MAP3K5: variants seen among roughly 807,000 people sequenced by gnomAD.
MAP3K5 encodes the protein ASK-1.
A neutral mutation model predicts 158.7 loss-of-function variants in MAP3K5; 56 were observed. The ratio of observed to expected loss-of-function variants is 0.35; its 90% CI spans 0.28 to 0.44. MAP3K5 has a LOEUF of 0.44. Among genes scored for constraint, MAP3K5 ranks in the 20% least tolerant of loss-of-function variants. The pLI is 1.00. For synonymous variants in MAP3K5, 579 were observed against 601.7 expected (o/e 0.96, Z 0.55); for missense variants, 1,294 against 1,674.8 (o/e 0.77, Z 3.97).
At chr6:136,763,008 A>T (rs1262739327) in intron 1 of MAP3K5, among the ~76,000 whole-genome samples, 1 of 152,086 alleles carries the variant, frequency 6.6e-6, no homozygotes, top group East Asian at 1.9e-4. Context: ...TTACTTATTC[A>T]TTTATTTTGA....
At chr6:136,716,663 G>A (rs1356652096) in intron 2 of MAP3K5, among the ~76,000 whole-genome samples, 1 of 152,152 alleles carries the variant, frequency 6.6e-6, no homozygotes, top group Non-Finnish European at 1.5e-5. Flanking sequence ...CACTTACTGA[G>A]AGACCCCAAG....
intron 13 of MAP3K5, among the ~76,000 whole-genome samples, chr6:136,638,826 T>G (rs962404777): frequency 3.9e-5 from 6 of 152,230 alleles, no homozygotes; most frequent in African/African-American, 1.4e-4. Context: ...ATTATTTAAA[T>G]AAGAACAATC....
intron 29 of MAP3K5, among the ~76,000 whole-genome samples, chr6:136,558,294 G>T (rs1830342712): frequency 6.6e-6 from 1 of 151,976 alleles, no homozygotes; most frequent in Non-Finnish European, 1.5e-5. Context: ...CAGGAGAACG[G>T]CGTGAACCTG....
intron 9 of MAP3K5, 126 bp from the exon 10 acceptor site, chr6:136,656,586 G>T: frequency 1.5e-5 from 9 of 582,620 alleles, no homozygotes; most frequent in South Asian, 1.0e-4. Context: ...CAGATTCACC[G>T]TTATTCGTTA....
At chr6:136,672,484 A>G (rs1430030797) in intron 7 of MAP3K5, among the ~76,000 whole-genome samples, 1 of 152,178 alleles carries the variant, frequency 6.6e-6, no homozygotes, top group African/African-American at 2.4e-5. Context: ...GGATTTCTTG[A>G]CAATTGCGTG....
At chr6:136,680,050 C>CCACACACACA (rs35553089) in intron 7 of MAP3K5, among the ~76,000 whole-genome samples, 1 of 149,128 alleles carries the variant, frequency 6.7e-6, no homozygotes, top group African/African-American at 2.5e-5. Context: ...AATAAGCTAG[C>CCACACACACA]CACACACACA....
Position 136,791,940 on chromosome 6 carries a change from G to C in MAP3K5, c.218C>G (p.Ser73Trp), listed in dbSNP as rs1255080229. The C allele has an allele frequency of 6.2e-7, 1 of 1,611,600 alleles. No individual in the cohort carries two copies. The highest frequency in any genetic ancestry group is 8.5e-7 in the Non-Finnish European group (1 of 1,179,234). Reference protein sequence around the residue: ...PGIGCPAATSSSSATRGRGSS... With the variant: ...PGIGCPAATSWSSATRGRGSS... ...GCCCCGGCCTCGGGTGGCACTGCTC[G>C]AGGAGGTGGCCGCCGGACAACCGAT... The change falls in exon 1 of 30, where the codon TCG (serine) becomes TGG (tryptophan). Residue 73 changes from serine to tryptophan, a missense_variant. Ser to Trp is a radical substitution (Grantham distance 177). Around this residue, in one of 5 missense-constraint regions of MAP3K5, gnomAD observed 690 missense variants for 870.5 expected, o/e 0.79. Transcript: ENST00000359015.
At chr6:136,779,837 C>T (rs575372133) in intron 1 of MAP3K5, among the ~76,000 whole-genome samples, 14 of 152,330 alleles carry the variant, frequency 9.2e-5, no homozygotes, top group Non-Finnish European at 1.8e-4. Flanking sequence ...GACTGACATC[C>T]TGTTGTCAAT....
chr6:136,622,964 A>C lies in MAP3K5; in HGVS notation c.2034T>G (p.Asp678Glu). Residue 678 changes from aspartate to glutamate, a missense_variant, in exon 15 of 30, where the codon GAT becomes GAG. This residue lies in a region of MAP3K5 where 690 missense variants were observed against 870.5 expected (regional missense o/e 0.79). Coordinates refer to ENST00000359015, the MANE Select transcript of MAP3K5 (RefSeq NM_005923.4). ...CTAAAACGACTCTGTCACCATTTTC[A>C]TCATATTCATAGTCATACTACAAAA... ...SDLLEYDYEY[D>E]ENGDRVVLGK... 6.2e-7 allele frequency: 1 copy of C among 1,613,956 alleles called. No individual in the cohort carries two copies. The highest frequency in any genetic ancestry group is 8.5e-7 in the Non-Finnish European group (1 of 1,179,908).
intron 1 of MAP3K5, among the ~76,000 whole-genome samples, chr6:136,761,644 C>T (rs934280279): frequency 2.0e-5 from 3 of 152,138 alleles, no homozygotes; most frequent in African/African-American, 7.2e-5. Context: ...GGCAACCCTG[C>T]GGCTGGGGCT....
In MAP3K5 at chr6:136,613,630, T is replaced by C. The variant is rs80037889; in HGVS notation, c.2279-374A>G. Reference sequence around the variant, plus strand: ...ATGTGACTTTGTGGCCTGAGTCATATAGCATTCAGTTGTAACTTCTGATTC... The same window carrying C: ...ATGTGACTTTGTGGCCTGAGTCATACAGCATTCAGTTGTAACTTCTGATTC... On this transcript the variant is annotated intron_variant, in intron 16 of 29. Transcript: ENST00000359015. The surrounding 1 kb of genome is among the most constrained non-coding windows in gnomAD (Gnocchi z 4.0). 5.2e-3 allele frequency among the ~76,000 whole-genome samples: 797 copies of C among 152,318 alleles called. 7 individuals carry two copies. The highest frequency in any genetic ancestry group is 0.018 in the African/African-American group (763 of 41,556).
chr6:136,703,128 A>T (rs1285264871), intron 3 of MAP3K5, among the ~76,000 whole-genome samples: 1 of 152,230 alleles, frequency 6.6e-6, no homozygotes, highest in Admixed American at 6.5e-5. Context: ...TCTGGAAGGA[A>T]AAGCTCTCAG....
intron 25 of MAP3K5, among the ~76,000 whole-genome samples, chr6:136,570,706 T>C (rs1216393609): frequency 1.3e-5 from 2 of 152,186 alleles, no homozygotes; most frequent in African/African-American, 4.8e-5. Context: ...AGTACACAGT[T>C]CAGTAGTGTT....
chr6:136,675,914 A>T (rs1271211430), intron 7 of MAP3K5, among the ~76,000 whole-genome samples: 2 of 152,346 alleles, frequency 1.3e-5, no homozygotes, highest in East Asian at 3.9e-4. Flanking sequence ...CCTCATAAAC[A>T]AAAAGACGGT....
chr6:136,611,354 C>G lies in MAP3K5; in HGVS notation c.2449G>C (p.Val817Leu), dbSNP rs763427901. 5 of 1,612,236 alleles carry G rather than the reference C, an allele frequency of 3.1e-6. No individual in the cohort carries two copies. Among genetic ancestry groups the G allele is most frequent in the Non-Finnish European group, 3.4e-6 (4 of 1,178,538 alleles). The change falls in exon 18 of 30, where the codon GTT becomes CTT. Residue 817 changes from valine (V) to leucine (L), a missense_variant. Around this residue, in one of 5 missense-constraint regions of MAP3K5, gnomAD observed 362 missense variants for 463.2 expected, o/e 0.78. Transcript: ENST00000359015. Reference sequence around the variant, plus strand: ...GTTCCGAAGTCAGAGATCTTGAGAACACCACTGTAGGTATTAATCAACACA... The same window carrying G: ...GTTCCGAAGTCAGAGATCTTGAGAAGACCACTGTAGGTATTAATCAACACA... ...DNVLINTYSG[V>L]LKISDFGTSK...
At chr6:136,610,335 G>T (rs570525878) in intron 18 of MAP3K5, among the ~76,000 whole-genome samples, 16 of 152,128 alleles carry the variant, frequency 1.1e-4, no homozygotes, top group Admixed American at 3.3e-4. Context: ...AAATCACTTG[G>T]TCTCCACCCT....
rs997592214 is a variant in MAP3K5 at position 136,557,383 on chromosome 6, G to T, written c.*375C>A. 6.2e-4 allele frequency: 111 copies of T among 179,306 alleles called. No homozygotes were observed. Among genetic ancestry groups the T allele is most frequent in the Admixed American group, 6.5e-4 (11 of 16,816 alleles). The allele number at this position is 179,306 out of a possible 1,614,324, so 11.1% of individuals were successfully genotyped here. ...ACAGTTATGGTCACATTTTGGTTTT[G>T]TTCCAGTGGTGCACGATCACATGAA... On this transcript the variant is annotated 3_prime_UTR_variant, in exon 30 of 30. Transcript: ENST00000359015.
chr6:136,663,606 CTTTTTTTTTT>C (rs145415185), intron 8 of MAP3K5, among the ~76,000 whole-genome samples: 5 of 121,518 alleles, frequency 4.1e-5, no homozygotes, highest in African/African-American at 1.4e-4. Flanking sequence ...AAATTTCTCA[CTTTTTTTTTT>C]TTTTTTTTTT....
intron 1 of MAP3K5, among the ~76,000 whole-genome samples, chr6:136,732,176 G>C (rs537522219): frequency 1.0e-3 from 156 of 152,302 alleles, no homozygotes; most frequent in African/African-American, 3.1e-3. Context: ...TGTAATCCCA[G>C]CACTTTGGGA....
Sources: gnomAD v4.1 joint callset for allele counts (sites outside exome capture counted in the v4.1 genomes callset) on GRCh38, gnomAD v4.1.1 for gene constraint, gnomAD v4.1.1 regional missense constraint, Gnocchi (gnomAD v3.1) non-coding constraint, MANE v1.5 for transcripts, NCBI Gene and HGNC (gene_info 2026-07-23, HGNC 2026-07-21) for gene names.